Variants in MYO5A observed in about 807,000 individuals in gnomAD.
MYO5A encodes myosin VA.
MYO5A carries 98 observed loss-of-function variants against 249.7 expected under a neutral mutation model. The ratio of observed to expected loss-of-function variants is 0.39; its 90% CI spans 0.33 to 0.46. MYO5A has a LOEUF of 0.46. Among genes scored for constraint, MYO5A ranks in the 20% least tolerant of loss-of-function variants. The probability of loss-of-function intolerance (pLI) is 0.98; values close to 1 mark genes in which losing one functional copy is unlikely to be tolerated. For synonymous variants in MYO5A, 778 were observed against 810.6 expected (o/e 0.96, Z 0.68); for missense variants, 1,696 against 2,308.8 (o/e 0.73, Z 5.44).
At position 52,307,798 on chromosome 15, in the gene MYO5A, T is replaced by C. The variant is rs1180823987; in HGVS notation, c.*5898A>G. The C allele has an allele frequency of 1.3e-5, 2 of 152,202 alleles. No homozygotes were observed. Among genetic ancestry groups the C allele is most frequent in the South Asian group, 2.1e-4 (1 of 4,832 alleles). The allele number at this position is 152,202 out of a possible 1,614,324, so 9.4% of individuals were successfully genotyped here. A position where few individuals can be genotyped will look rare whatever the true frequency, so the allele number is the denominator to read the frequency against. On this transcript the variant is annotated 3_prime_UTR_variant, in exon 42 of 42. Coordinates refer to ENST00000399233, the MANE Select transcript of MYO5A (RefSeq NM_001382347.1). Reference sequence around the variant, plus strand: ...TTAAAATACAATATGTTAAATGGCATGAACTCATTTTTGCGCAACACTGTT... The same window carrying C: ...TTAAAATACAATATGTTAAATGGCACGAACTCATTTTTGCGCAACACTGTT...
intron 12 of MYO5A, among the ~76,000 whole-genome samples, chr15:52,391,120 T>C (rs1176502612): frequency 1.3e-5 from 2 of 152,204 alleles, no homozygotes; most frequent in Non-Finnish European, 2.9e-5. Context: ...AAAATTATGA[T>C]AAATGTTGTC....
chr15:52,323,348 T>G lies in MYO5A; in HGVS notation c.4800+7A>C. On this transcript the variant is annotated splice_region_variant and intron_variant, in intron 37 of 41. Coordinates refer to ENST00000399233, the MANE Select transcript of MYO5A (RefSeq NM_001382347.1). ...GCATGCTGGTTTTGTAATCAAGGTT[T>G]TCTCACCTCTTCTCCACTGTACTGT... 1 of 1,609,394 alleles carries G rather than the reference T, an allele frequency of 6.2e-7. No homozygotes were observed. Among genetic ancestry groups the G allele is most frequent in the Non-Finnish European group, 8.5e-7 (1 of 1,175,808 alleles).
chr15:52,401,941 T>A (rs2042777063), intron 9 of MYO5A, among the ~76,000 whole-genome samples: 1 of 152,228 alleles, frequency 6.6e-6, no homozygotes, highest in African/African-American at 2.4e-5. Context: ...TGCTGTTTAT[T>A]AATTTTGGCA....
chr15:52,362,686 T>C (rs186222352), intron 24 of MYO5A, among the ~76,000 whole-genome samples: 4 of 152,242 alleles, frequency 2.6e-5, no homozygotes, highest in African/African-American at 9.6e-5. Flanking sequence ...AAATAAGAAA[T>C]TGAGCAACTA....
chr15:52,428,663 T>C, intron 2 of MYO5A, 94 bp from the exon 3 acceptor site: 1 of 1,280,408 alleles, frequency 7.8e-7, no homozygotes, highest in Non-Finnish European at 1.1e-6. Context: ...CCTGATTTGC[T>C]TCTCAGCTAT....
chr15:52,413,503 A>G (rs1441369081), intron 5 of MYO5A, among the ~76,000 whole-genome samples: 1 of 152,170 alleles, frequency 6.6e-6, no homozygotes, highest in Non-Finnish European at 1.5e-5. Context: ...CCTGGATTGT[A>G]ATGTTAACCA....
chr15:52,330,814 G>C (rs776559435), intron 34 of MYO5A, among the ~76,000 whole-genome samples: 19 of 152,032 alleles, frequency 1.2e-4, no homozygotes, highest in Non-Finnish European at 2.8e-4. Flanking sequence ...AAAAGTAAGT[G>C]GTTTAACAGA....
rs978815831 is a variant in MYO5A at position 52,528,761 on chromosome 15, C to T, written c.27+19G>A. On this transcript the variant is annotated intron_variant, in intron 1 of 41. Transcript: ENST00000399233. ...GCCGCACAGCCCCAGTCCTCGACGC[C>T]GGCCGCGGGGTGCCTTACCTTTGTG... The T allele has an allele frequency of 4.7e-6, 7 of 1,502,956 alleles. No homozygotes were observed. Among genetic ancestry groups the T allele is most frequent in the Non-Finnish European group, 6.2e-6 (7 of 1,132,934 alleles). 93.1% of individuals were successfully genotyped at this position (1,502,956 alleles called of 1,614,324 possible).
At chr15:52,514,483 T>A (rs2077458279) in intron 1 of MYO5A, among the ~76,000 whole-genome samples, 1 of 152,152 alleles carries the variant, frequency 6.6e-6, no homozygotes, top group Non-Finnish European at 1.5e-5. Flanking sequence ...AAGAACTAAT[T>A]CATGAATGAA....
At chr15:52,343,296 A>T (rs952838038) in intron 30 of MYO5A, 99 bp from the exon 31 acceptor site, 5 of 1,031,318 alleles carry the variant, frequency 4.8e-6, no homozygotes, top group Non-Finnish European at 7.5e-6. Flanking sequence ...TCAACATTTT[A>T]TAAGTTTGTT....
intron 2 of MYO5A, among the ~76,000 whole-genome samples, chr15:52,432,456 A>G (rs138462452): frequency 2.0e-5 from 3 of 152,374 alleles, no homozygotes; most frequent in African/African-American, 7.2e-5. Flanking sequence ...ATATAGTCAA[A>G]TAGTATAAGC....
At chr15:52,427,913 AGCTGGGTG>A (rs1188090700) in intron 3 of MYO5A, among the ~76,000 whole-genome samples, 1 of 152,206 alleles carries the variant, frequency 6.6e-6, no homozygotes, top group Non-Finnish European at 1.5e-5. Flanking sequence ...AAGCACCATG[AGCTGGGTG>A]GCTGGCAGCT....
chr15:52,498,393 T>C (rs1431758142), intron 1 of MYO5A, among the ~76,000 whole-genome samples: 1 of 152,184 alleles, frequency 6.6e-6, no homozygotes, highest in Non-Finnish European at 1.5e-5. Context: ...CTGATACATA[T>C]ATTGTGTTAA....
chr15:52,416,389 G>C, intron 4 of MYO5A, 88 bp from the exon 5 acceptor site: 1 of 1,421,878 alleles, frequency 7.0e-7, no homozygotes, highest in Non-Finnish European at 9.7e-7. Context: ...ATGGAAGTAG[G>C]GGGCTAATTA....
intron 1 of MYO5A, among the ~76,000 whole-genome samples, chr15:52,465,863 A>G (rs2076342478): frequency 6.6e-6 from 1 of 152,288 alleles, no homozygotes; most frequent in African/African-American, 2.4e-5. Context: ...TTGACATGAA[A>G]AGCAATGAGT....
intron 4 of MYO5A, among the ~76,000 whole-genome samples, chr15:52,424,650 A>G (rs899370175): frequency 3.9e-5 from 6 of 152,158 alleles, no homozygotes; most frequent in Non-Finnish European, 7.4e-5. Context: ...CTGGCTGGAG[A>G]GGACAAAATA....
intron 1 of MYO5A, among the ~76,000 whole-genome samples, chr15:52,484,002 C>T (rs1595768773): frequency 6.6e-6 from 1 of 152,244 alleles, no homozygotes; most frequent in East Asian, 1.9e-4. Context: ...AGAAGTATCC[C>T]TGGGAAGTCA....
At chr15:52,528,648 T>TC (rs2141687142) in intron 1 of MYO5A, 132 bp downstream of exon 1, 1 of 1,077,844 alleles carries the variant, frequency 9.3e-7, no homozygotes, top group East Asian at 3.3e-5. Flanking sequence ...GGCCGAGGGT[T>TC]CTGAGGCGCT....
At chr15:52,320,829 CG>C (rs1167726946) in intron 38 of MYO5A, among the ~76,000 whole-genome samples, 1 of 152,010 alleles carries the variant, frequency 6.6e-6, no homozygotes, top group Non-Finnish European at 1.5e-5. Flanking sequence ...CTGGCTAACA[CG>C]GTGAAACCCC....
Sources: allele counts gnomAD v4.1 joint callset (sites outside exome capture counted in the v4.1 genomes callset), GRCh38; gene constraint gnomAD v4.1.1; transcripts MANE v1.5; gene names NCBI Gene and HGNC (gene_info 2026-07-23, HGNC 2026-07-21).